SNX29: variants seen among roughly 807,000 people sequenced by gnomAD.
SNX29 encodes the protein sorting nexin-29.
SNX29 carries 78 observed loss-of-function variants against 102.1 expected under a neutral mutation model. The observed-to-expected ratio is 0.76, with a 90% CI of 0.64 to 0.92. The LOEUF is 0.92. SNX29 is among the 40% of genes least tolerant of loss of function. The pLI is 0.00. For missense variants in SNX29, 1,280 were observed against 1,061.7 expected, an observed-to-expected ratio of 1.21 and a Z score of -2.86; for synonymous variants, 580 against 414.5, an observed-to-expected ratio of 1.40 and a Z score of -4.85.
At chr16:12,197,934 C>T (rs186140133) in intron 13 of SNX29, among the ~76,000 whole-genome samples, 40 of 151,920 alleles carry the variant, frequency 2.6e-4, no homozygotes, top group African/African-American at 7.0e-4. Context: ...GAGAAGTAGT[C>T]AGCTGCATTG....
At chr16:12,209,950 G>C (rs1040770510) in intron 14 of SNX29, among the ~76,000 whole-genome samples, 13 of 152,210 alleles carry the variant, frequency 8.5e-5, no homozygotes, top group Non-Finnish European at 2.9e-5. Context: ...GTGGGCTCTG[G>C]AGACGAATTC....
chr16:12,334,005 G>C (rs158467), intron 15 of SNX29, among the ~76,000 whole-genome samples: 78,578 of 151,996 alleles, frequency 0.52, 20,890 homozygotes, highest in South Asian at 0.72. Flanking sequence ...GCTGATGGGT[G>C]TGTTTGTTAA....
chr16:12,084,185 G>A (rs547927224), intron 11 of SNX29, among the ~76,000 whole-genome samples: 7 of 149,536 alleles, frequency 4.7e-5, no homozygotes, highest in Admixed American at 6.7e-5. Context: ...TGCTCTTATC[G>A]CCCAGGCTGG....
chr16:12,474,856 A>G (rs2087517473), intron 18 of SNX29, among the ~76,000 whole-genome samples: 1 of 152,204 alleles, frequency 6.6e-6, no homozygotes, highest in Admixed American at 6.5e-5. Flanking sequence ...AGGCTGGTGA[A>G]GCAGTGCTCA....
chr16:11,991,210 A>G (rs1028123637), intron 1 of SNX29, among the ~76,000 whole-genome samples: 1 of 152,228 alleles, frequency 6.6e-6, no homozygotes, highest in Non-Finnish European at 1.5e-5. Flanking sequence ...ATCACATAAC[A>G]TCATTGTGTG....
intron 20 of SNX29, among the ~76,000 whole-genome samples, chr16:12,567,145 C>G (rs898156086): frequency 5.3e-5 from 8 of 152,196 alleles, no homozygotes; most frequent in African/African-American, 1.9e-4. Flanking sequence ...TGAAACTGGG[C>G]TTGGATACAG....
In SNX29 at chr16:12,100,970, G is replaced by C. The variant is rs79328246; in HGVS notation, c.1402+22055G>C. 2.3e-3 allele frequency among the ~76,000 whole-genome samples: 354 copies of C among 152,258 alleles called. 1 individual carries two copies. The highest frequency in any genetic ancestry group is 8.1e-3 in the African/African-American group (338 of 41,544). On this transcript the variant is annotated intron_variant, in intron 11 of 20. Transcript: ENST00000566228. ...CTTTGGGTTTTCTCCACATTGAAAC[G>C]ATCAGTGCAACACCTGCCCACGGTG...
chr16:12,078,977 C>T (rs2051729150), intron 11 of SNX29, 62 bp downstream of exon 11: 9 of 1,421,544 alleles, frequency 6.3e-6, no homozygotes, highest in Non-Finnish European at 7.7e-6. Flanking sequence ...CGTCTCATGG[C>T]GGTGCCTTTG....
chr16:12,179,923 C>A (rs1209458825), intron 13 of SNX29, among the ~76,000 whole-genome samples: 2 of 152,082 alleles, frequency 1.3e-5, no homozygotes, highest in Non-Finnish European at 2.9e-5. Flanking sequence ...TAAACGTCAG[C>A]GATTTTACTA....
intron 16 of SNX29, chr16:12,373,859 T>C (rs941894343): frequency 6.6e-6 from 1 of 152,244 alleles, no homozygotes; most frequent in African/African-American, 2.4e-5. Context: ...ACACTGCTGT[T>C]TTCACATTTT....
intron 14 of SNX29, among the ~76,000 whole-genome samples, chr16:12,242,369 T>TATATATATA (rs1555496124): frequency 1.5e-4 from 18 of 121,562 alleles, no homozygotes; most frequent in African/African-American, 5.9e-4. Flanking sequence ...ATATATATAT[T>TATATATATA]TTTTTTTTTT....
intron 10 of SNX29, among the ~76,000 whole-genome samples, chr16:12,078,287 C>T (rs569279954): frequency 3.9e-4 from 60 of 152,062 alleles, no homozygotes; most frequent in African/African-American, 1.4e-3. Context: ...CCAGTCTGGC[C>T]AACTTGGCGA....
At chr16:12,556,573 A>T (rs955691246) in intron 20 of SNX29, 19 of 152,302 alleles carry the variant, frequency 1.2e-4, no homozygotes, top group Admixed American at 7.9e-4. Context: ...TTCTGAACAC[A>T]GTGGGAAGCT....
chr16:12,246,240 T>C (rs1267249725), intron 14 of SNX29, among the ~76,000 whole-genome samples: 1 of 152,096 alleles, frequency 6.6e-6, no homozygotes, highest in African/African-American at 2.4e-5. Context: ...CAGGCAGCGC[T>C]GCAGGCAGAC....
intron 18 of SNX29, among the ~76,000 whole-genome samples, chr16:12,471,216 C>G (rs533355887): frequency 3.1e-4 from 47 of 152,278 alleles, no homozygotes; most frequent in African/African-American, 1.1e-3. Flanking sequence ...CTGCCTGACT[C>G]CCTCCCCACA....
chr16:12,515,305 C>T (rs1282648154), intron 19 of SNX29, among the ~76,000 whole-genome samples: 1 of 152,148 alleles, frequency 6.6e-6, no homozygotes, highest in Non-Finnish European at 1.5e-5. Context: ...ATCCACAGGT[C>T]TCATTTATCT....
intron 18 of SNX29, among the ~76,000 whole-genome samples, chr16:12,450,478 C>T (rs550439071): frequency 6.6e-6 from 1 of 152,162 alleles, no homozygotes; most frequent in Non-Finnish European, 1.5e-5. Flanking sequence ...AAAGCTGCAC[C>T]CAATCATAGG....
In SNX29 at chr16:12,570,238, G is replaced by C; in HGVS notation, c.*1609G>C. On this transcript the variant is annotated 3_prime_UTR_variant, in exon 21 of 21. Transcript: ENST00000566228. ...GGCCAGATAAGCCCTGCCCCGGTGAGACCAAATGAGCTGGAGCATGTATGG... is the reference window on the plus strand; with the variant it reads ...GGCCAGATAAGCCCTGCCCCGGTGACACCAAATGAGCTGGAGCATGTATGG... The C allele has an allele frequency of 3.8e-6, 4 of 1,065,366 alleles. No homozygotes were observed. Among genetic ancestry groups the C allele is most frequent in the Non-Finnish European group, 4.5e-6 (4 of 879,314 alleles). The allele number at this position is 1,065,366 out of a possible 1,614,324, so 66.0% of individuals were successfully genotyped here. A position where few individuals can be genotyped will look rare whatever the true frequency, so the allele number is the denominator to read the frequency against.
chr16:12,014,508 A>G (rs1257163700), intron 3 of SNX29, among the ~76,000 whole-genome samples: 1 of 152,042 alleles, frequency 6.6e-6, no homozygotes, highest in East Asian at 1.9e-4. Flanking sequence ...CGAGGAGCAC[A>G]GATCACCTGA....
Sources: gnomAD v4.1 joint callset for allele counts (sites outside exome capture counted in the v4.1 genomes callset) on GRCh38, gnomAD v4.1.1 for gene constraint, MANE v1.5 for transcripts, NCBI Gene and HGNC (gene_info 2026-07-23, HGNC 2026-07-21) for gene names.